The following CDK5RAP2 variants were observed in gnomAD, a reference collection of about 807,000 sequenced individuals.
CDK5RAP2 encodes the protein CDK5 regulatory subunit-associated protein 2.
Under a neutral mutation model 232.9 loss-of-function variants are expected in CDK5RAP2, and 147 were observed. The ratio of observed to expected loss-of-function variants is 0.63; its 90% CI spans 0.55 to 0.72. CDK5RAP2 has a LOEUF of 0.72. CDK5RAP2 is among the 30% of genes least tolerant of loss of function. CDK5RAP2 has a pLI of 0.00. For synonymous variants in CDK5RAP2, 833 were observed against 833.7 expected, an observed-to-expected ratio of 1.00 and a Z score of 0.01; for missense variants, 2,195 against 2,231.5, an observed-to-expected ratio of 0.98 and a Z score of 0.33.
chr9:120,441,440 GCA>G (rs939088187), intron 23 of CDK5RAP2, among the ~76,000 whole-genome samples: 1 of 152,186 alleles, frequency 6.6e-6, no homozygotes, highest in African/African-American at 2.4e-5. Context: ...AAAAAGGCTA[GCA>G]CAGTGTCTGG....
At chr9:120,570,015 G>T (rs1041008632) in intron 2 of CDK5RAP2, among the ~76,000 whole-genome samples, 3 of 152,118 alleles carry the variant, frequency 2.0e-5, no homozygotes, top group African/African-American at 7.2e-5. Flanking sequence ...AGTCAGCCTG[G>T]GGAGAGCCAA....
intron 36 of CDK5RAP2, among the ~76,000 whole-genome samples, chr9:120,393,365 T>C (rs924863939): frequency 2.6e-5 from 4 of 152,210 alleles, no homozygotes; most frequent in African/African-American, 9.6e-5. Context: ...TCCTCTCTTT[T>C]GCAGTCCAAA....
At position 120,524,683 on chromosome 9, in the gene CDK5RAP2, T is replaced by A. The variant is rs181454815; in HGVS notation, c.1092+303A>T. On this transcript the variant is annotated intron_variant, in intron 11 of 37. Coordinates refer to ENST00000349780, the MANE Select transcript of CDK5RAP2 (RefSeq NM_018249.6). ...AAACACAAGAGGGATGATGACTACC[T>A]TTCCCACAGGCTGGTGAAGATTAAA... Among the ~76,000 whole-genome samples, 8 of 152,142 alleles carry A rather than the reference T, an allele frequency of 5.3e-5. No individual in the cohort carries two copies. The East Asian group carries it at 1.5e-3, about 29-fold the overall frequency.
chr9:120,453,323 G>GT, intron 21 of CDK5RAP2, 133 bp downstream of exon 21: 3 of 786,352 alleles, frequency 3.8e-6, no homozygotes, highest in South Asian at 3.6e-5. Context: ...GGAGGCCAGG[G>GT]TAAGTGCAAG....
chr9:120,518,376 A>G, intron 12 of CDK5RAP2, 51 bp downstream of exon 12: 4 of 1,477,528 alleles, frequency 2.7e-6, no homozygotes, highest in Non-Finnish European at 9.5e-7. Flanking sequence ...ACACAGCCAC[A>G]TAGCCCCAAA....
intron 17 of CDK5RAP2, among the ~76,000 whole-genome samples, chr9:120,469,328 C>T (rs1312336301): frequency 6.6e-6 from 1 of 152,198 alleles, no homozygotes; most frequent in East Asian, 1.9e-4. Flanking sequence ...ATCTCCCATA[C>T]AGGCAATTAG....
intron 12 of CDK5RAP2, among the ~76,000 whole-genome samples, chr9:120,494,807 G>C (rs1378005077): frequency 1.0e-5 from 1 of 96,880 alleles, no homozygotes; most frequent in Non-Finnish European, 1.8e-5. Context: ...GGCTGGGGTC[G>C]GTGGCTTAGG....
intron 15 of CDK5RAP2, among the ~76,000 whole-genome samples, chr9:120,476,218 A>G (rs1190708145): frequency 6.6e-6 from 1 of 151,634 alleles, no homozygotes; most frequent in Non-Finnish European, 1.5e-5. Context: ...CATATACAAA[A>G]GGAAAAAAAA....
chr9:120,487,496 C>A, intron 13 of CDK5RAP2, 59 bp from the exon 14 acceptor site: 2 of 1,282,114 alleles, frequency 1.6e-6, no homozygotes, highest in Non-Finnish European at 2.2e-6. Flanking sequence ...TATTAAGAAA[C>A]TGTCCCAAAC....
At chr9:120,477,196 C>T (rs796147677) in intron 15 of CDK5RAP2, among the ~76,000 whole-genome samples, 154 bp downstream of exon 15, 13 of 152,322 alleles carry the variant, frequency 8.5e-5, no homozygotes, top group African/African-American at 2.9e-4. Context: ...TCAAATAGGG[C>T]AGTCGCCACC....
chr9:120,414,461 G>A (rs866748035), intron 28 of CDK5RAP2, among the ~76,000 whole-genome samples: 6 of 152,278 alleles, frequency 3.9e-5, no homozygotes, highest in South Asian at 4.1e-4. Flanking sequence ...TATAGAGTAC[G>A]TTACCTCTGG....
chr9:120,526,668 A>C (rs1467211596), intron 10 of CDK5RAP2, among the ~76,000 whole-genome samples: 1 of 152,080 alleles, frequency 6.6e-6, no homozygotes, highest in African/African-American at 2.4e-5. Context: ...AATATGCTTA[A>C]GAGTTTTCAG....
intron 29 of CDK5RAP2, 110 bp from the exon 30 acceptor site, chr9:120,409,426 C>T: frequency 1.2e-6 from 1 of 854,028 alleles, no homozygotes; most frequent in Non-Finnish European, 1.9e-6. Flanking sequence ...TTCGATCTGG[C>T]ATTTATGATT....
intron 8 of CDK5RAP2, 144 bp downstream of exon 8, chr9:120,529,834 T>C: frequency 2.5e-6 from 2 of 797,454 alleles, no homozygotes; most frequent in South Asian, 2.8e-5. Flanking sequence ...ACAAAGGCAG[T>C]TTCTGCTCAC....
chr9:120,566,779 G>A (rs1038530927), intron 3 of CDK5RAP2, among the ~76,000 whole-genome samples: 4 of 152,216 alleles, frequency 2.6e-5, no homozygotes. Flanking sequence ...GCCTTAGGCA[G>A]CACAGACTGC....
At chr9:120,442,928 G>T (rs997261696) in intron 23 of CDK5RAP2, among the ~76,000 whole-genome samples, 2 of 152,004 alleles carry the variant, frequency 1.3e-5, no homozygotes, top group African/African-American at 4.8e-5. Context: ...CTAACAGAGT[G>T]AATTAGATCT....
intron 3 of CDK5RAP2, among the ~76,000 whole-genome samples, chr9:120,554,685 G>A (rs1253751700): frequency 2.0e-5 from 3 of 152,118 alleles, no homozygotes; most frequent in East Asian, 3.9e-4. Context: ...CCAGGCTGGA[G>A]TGCAATGGCG....
chr9:120,559,488 CAAAAAAAAA>C (rs558274119), intron 3 of CDK5RAP2, among the ~76,000 whole-genome samples: 6 of 48,884 alleles, frequency 1.2e-4, no homozygotes, highest in African/African-American at 2.3e-4. Context: ...GACTCTGTCT[CAAAAAAAAA>C]AAAAAAAAAA....
chr9:120,407,005 G>A lies in CDK5RAP2; in HGVS notation c.4963+7C>T. On this transcript the variant is annotated splice_region_variant and intron_variant, in intron 32 of 37. Coordinates refer to ENST00000349780, the MANE Select transcript of CDK5RAP2 (RefSeq NM_018249.6). ...TCTCAGCAAGTGGGGAGAGGCAGGGGCAGTACCGTGTTTGTCAGGCTGAAG... is the reference window on the plus strand; with the variant it reads ...TCTCAGCAAGTGGGGAGAGGCAGGGACAGTACCGTGTTTGTCAGGCTGAAG... 1 of 1,597,326 alleles carries A rather than the reference G, an allele frequency of 6.3e-7. No homozygotes were observed.
Sources: allele counts gnomAD v4.1 joint callset (sites outside exome capture counted in the v4.1 genomes callset), GRCh38; gene constraint gnomAD v4.1.1; transcripts MANE v1.5; gene names NCBI Gene and HGNC (gene_info 2026-07-23, HGNC 2026-07-21).